TACC3: variants seen among roughly 807,000 people sequenced by gnomAD.
TACC3 encodes transforming acidic coiled-coil-containing protein 3.
In TACC3, 52 loss-of-function variants were observed where a neutral mutation model predicts 86.0. That is an observed-to-expected ratio of 0.60 (90% confidence interval 0.48 to 0.76). The LOEUF (loss-of-function observed/expected upper bound fraction) is 0.76. Among genes scored for constraint, TACC3 ranks in the 30% least tolerant of loss-of-function variants. The pLI, the probability that TACC3 is intolerant of heterozygous loss-of-function variation, is 0.00. For missense variants in TACC3, 1,120 were observed against 1,070.4 expected (o/e 1.05, Z -0.65); for synonymous variants, 512 against 430.0 (o/e 1.19, Z -2.36).
intron 13 of TACC3, among the ~76,000 whole-genome samples, chr4:1,743,067 T>C (rs1396655548): frequency 7.3e-6 from 1 of 137,760 alleles, no homozygotes; most frequent in Non-Finnish European, 1.6e-5. Context: ...TTCAAGACCA[T>C]TCTGGCCAAC....
chr4:1,744,547 G>C lies in TACC3; in HGVS notation c.2253G>C (p.Glu751Asp). Residue 751 changes from glutamate to aspartate, a missense_variant, in exon 14 of 16, where the codon GAG becomes GAC. Glu to Asp is a conservative substitution (Grantham distance 45). Coordinates refer to ENST00000313288, the MANE Select transcript of TACC3 (RefSeq NM_006342.3). ...KNEESLKKCV[E>D]DYLARITQEG... Reference sequence around the variant, plus strand: ...AAGAGTCACTGAAGAAGTGCGTGGAGGATTACCTGGCAAGGATCACCCAGG... The same window carrying C: ...AAGAGTCACTGAAGAAGTGCGTGGACGATTACCTGGCAAGGATCACCCAGG... 6 of 1,613,194 alleles carry C rather than the reference G, an allele frequency of 3.7e-6. No individual in the cohort carries two copies. Among genetic ancestry groups the C allele is most frequent in the Non-Finnish European group, 5.1e-6 (6 of 1,179,962 alleles).
At chr4:1,720,826 G>T, upstream of TACC3, 1 of 1,584,280 alleles carries the variant, frequency 6.3e-7, no homozygotes. This position sits in a 1 kb window ranked among gnomAD's most constrained non-coding sequence, Gnocchi z 4.4. Context: ...AGGTCACCTC[G>T]GGGCTGTCCA....
At position 1,737,658 on chromosome 4, in the gene TACC3, A is replaced by G. The variant is rs1475942464; in HGVS notation, c.1897A>G (p.Ile633Val). The change falls in exon 10 of 16, where the codon ATA (isoleucine) becomes GTA (valine). Residue 633 changes from isoleucine (I) to valine (V), a missense_variant. Coordinates refer to ENST00000313288, the MANE Select transcript of TACC3 (RefSeq NM_006342.3). Reference protein sequence around the residue: ...PGGPPLSTGPIVDLLQYSQKD... With the variant: ...PGGPPLSTGPVVDLLQYSQKD... ...GGGCCCACCCCTGTCCACCGGACCT[A>G]TAGTGGACCTGCTCCAGTACAGCCA... The G allele has an allele frequency of 1.9e-6, 3 of 1,549,878 alleles. No homozygotes were observed. Among genetic ancestry groups the G allele is most frequent in the Non-Finnish European group, 2.6e-6 (3 of 1,146,264 alleles).
At chr4:1,725,837 C>T (rs577843568) in intron 3 of TACC3, among the ~76,000 whole-genome samples, 1 of 152,230 alleles carries the variant, frequency 6.6e-6, no homozygotes, top group Non-Finnish European at 1.5e-5. Context: ...TGCAGCTGCC[C>T]ACGTGTCATT....
rs1718206176 is a variant in TACC3, at chr4:1,735,426, C to T, written c.1644+101C>T. On this transcript the variant is annotated intron_variant, in intron 7 of 15. Transcript: ENST00000313288. This position sits in a 1 kb window ranked among gnomAD's most constrained non-coding sequence, Gnocchi z 4.2. ...GCGTCCCTTGGTGCCCACGTCCCCC[C>T]AGCTGCACACAGGCCCAGGCATTGT... The T allele has an allele frequency of 7.6e-7, 1 of 1,319,448 alleles. No individual in the cohort carries two copies. The highest frequency in any genetic ancestry group is 1.1e-6 in the Non-Finnish European group (1 of 921,678). 81.7% of individuals were successfully genotyped at this position (1,319,448 alleles called of 1,614,324 possible).
intron 1 of TACC3, chr4:1,721,852 C>G (rs1320333309): frequency 1.3e-5 from 2 of 152,290 alleles, no homozygotes; most frequent in Non-Finnish European, 2.9e-5. Flanking sequence ...GGGCTGGGCC[C>G]CCTGGATGGT....
chr4:1,736,191 A>G (rs1363031648), intron 8 of TACC3, among the ~76,000 whole-genome samples: 2 of 152,170 alleles, frequency 1.3e-5, no homozygotes, highest in Non-Finnish European at 2.9e-5. Flanking sequence ...TGGGAGGCCG[A>G]GGTGGATGGA....
intron 1 of TACC3, among the ~76,000 whole-genome samples, chr4:1,722,374 C>T (rs1429285912): frequency 2.6e-5 from 4 of 152,166 alleles, no homozygotes; most frequent in African/African-American, 4.8e-5. Flanking sequence ...TTATTCAGGG[C>T]GAAAACCTAA....
In TACC3 at chr4:1,731,224, G is replaced by A; in HGVS notation, c.1514G>A (p.Ser505Asn). 6.2e-7 allele frequency: 1 copy of A among 1,613,420 alleles called. No homozygotes were observed. Among genetic ancestry groups the A allele is most frequent in the Non-Finnish European group, 8.5e-7 (1 of 1,180,014 alleles). Residue 505 changes from serine to asparagine, a missense_variant, in exon 6 of 16, where the codon AGT becomes AAT. By Grantham distance (46) the Ser-to-Asn change is conservative (BLOSUM62 1). Coordinates refer to ENST00000313288, the MANE Select transcript of TACC3 (RefSeq NM_006342.3). ...STSLPTSCPG[S>N]EPVPTHQQGQ... Reference sequence around the variant, plus strand: ...TCGCTTCCCACAAGCTGTCCAGGCAGTGAGCCAGTGCCCACCCATCAGCAG... The same window carrying A: ...TCGCTTCCCACAAGCTGTCCAGGCAATGAGCCAGTGCCCACCCATCAGCAG...
intron 11 of TACC3, 57 bp from the exon 12 acceptor site, chr4:1,739,902 G>A (rs1347784031): frequency 6.2e-7 from 1 of 1,606,396 alleles, no homozygotes; most frequent in Non-Finnish European, 8.5e-7. Flanking sequence ...ATCCCCACCT[G>A]GCCTGGGACC....
intron 3 of TACC3, among the ~76,000 whole-genome samples, chr4:1,726,075 G>C (rs1717673085): frequency 6.6e-6 from 1 of 152,228 alleles, no homozygotes; most frequent in Non-Finnish European, 1.5e-5. Flanking sequence ...GGGAACAGGT[G>C]AAACAGTGTT....
rs765878922 is a variant in TACC3, at chr4:1,740,963, G to A, written c.2200G>A (p.Glu734Lys). ...DLFKRFEKQK[E>K]VIEGYRKNEE... is the part of the protein sequence containing the mutation. ...CTTCAAGCGTTTTGAGAAACAGAAA[G>A]AGGTGATCGAGGGCTACCGCAAGGT... Residue 734 changes from glutamate to lysine, a missense_variant, in exon 13 of 16, where the codon GAG becomes AAG. Physicochemically the swap from Glu to Lys is moderately conservative, Grantham distance 56 (BLOSUM62 1). Coordinates refer to ENST00000313288, the MANE Select transcript of TACC3 (RefSeq NM_006342.3). 2 of 1,609,172 alleles carry A rather than the reference G, an allele frequency of 1.2e-6. No individual in the cohort carries two copies. The highest frequency in any genetic ancestry group is 3.4e-5 in the Admixed American group (2 of 59,018).
chr4:1,728,150 T>G lies in TACC3; in HGVS notation c.748T>G (p.Ser250Ala). The G allele has an allele frequency of 6.2e-7, 1 of 1,611,660 alleles. No individual in the cohort carries two copies. Among genetic ancestry groups the G allele is most frequent in the Non-Finnish European group, 8.5e-7 (1 of 1,179,432 alleles). Residue 250 changes from serine (S) to alanine (A), a missense_variant, in exon 4 of 16, where the codon TCG becomes GCG. Ser to Ala is a moderately conservative substitution (Grantham distance 99). Coordinates refer to ENST00000313288, the MANE Select transcript of TACC3 (RefSeq NM_006342.3). ...GVCAPAAVAT[S>A]PPGAIPKEAC... The stretch of plus-strand genomic sequence containing the variant: ...CTGTGCTCCCGCAGCAGTGGCCACT[T>G]CGCCTCCTGGTGCAATCCCTAAGGA...
At chr4:1,744,302 G>C in intron 13 of TACC3, 1 of 556,200 alleles carries the variant, frequency 1.8e-6, no homozygotes, top group Non-Finnish European at 3.2e-6. Flanking sequence ...TTCAGGCCCG[G>C]CATCTCAGGG....
chr4:1,727,561 G>T lies in TACC3; in HGVS notation c.306-147G>T, dbSNP rs1306691921. The T allele has an allele frequency of 1.1e-5, 14 of 1,275,044 alleles. No individual in the cohort carries two copies. In the African/African-American group the frequency reaches 1.3e-4, roughly 12 times the overall value. The allele number at this position is 1,275,044 out of a possible 1,614,324, so 79.0% of individuals were successfully genotyped here. On this transcript the variant is annotated intron_variant, in intron 3 of 15. Coordinates refer to ENST00000313288, the MANE Select transcript of TACC3 (RefSeq NM_006342.3). Reference sequence around the variant, plus strand: ...AGGAACTACATTGAGGAACTGAGGTGGGGGGTGGAGAACGGGAAGCCGTGC... The same window carrying T: ...AGGAACTACATTGAGGAACTGAGGTTGGGGGTGGAGAACGGGAAGCCGTGC...
rs779216211 is a variant in TACC3, at chr4:1,740,989, A to G, written c.2223+3A>G. 1.2e-6 allele frequency: 2 copies of G among 1,603,476 alleles called. No individual in the cohort carries two copies. Among genetic ancestry groups the G allele is most frequent in the Non-Finnish European group, 1.7e-6 (2 of 1,176,868 alleles). ...AGGTGATCGAGGGCTACCGCAAGGT[A>G]TGTCTCCGCCACCCTGGTGTCCTCA... On this transcript the variant is annotated splice_donor_region_variant and intron_variant, in intron 13 of 15. Coordinates refer to ENST00000313288, the MANE Select transcript of TACC3 (RefSeq NM_006342.3).
intron 4 of TACC3, 97 bp downstream of exon 4, chr4:1,728,884 C>T: frequency 1.6e-6 from 2 of 1,261,272 alleles, no homozygotes; most frequent in Non-Finnish European, 2.2e-6. Flanking sequence ...TCAGATACTC[C>T]TTTGAGGCCG....
At position 1,728,244 on chromosome 4, in the gene TACC3, C is replaced by T. The variant is rs762020678; in HGVS notation, c.842C>T (p.Thr281Ile). ...EALGCPAGVG[T>I]PVPADGTQTL... is the part of the protein sequence containing the mutation. ...CTGGGCTGCCCTGCGGGTGTGGGCA[C>T]CCCCGTGCCAGCAGATGGCACTCAG... Residue 281 changes from threonine to isoleucine, a missense_variant, in exon 4 of 16, where the codon ACC becomes ATC. By Grantham distance (89) the Thr-to-Ile change is moderately conservative (BLOSUM62 -1). Coordinates refer to ENST00000313288, the MANE Select transcript of TACC3 (RefSeq NM_006342.3). 4.3e-6 allele frequency: 7 copies of T among 1,612,314 alleles called. No individual in the cohort carries two copies. In the African/African-American group the frequency reaches 9.3e-5, roughly 22 times the overall value.
At chr4:1,737,740 AGGCCG>A in intron 10 of TACC3, 38 bp downstream of exon 10, 1 of 1,528,900 alleles carries the variant, frequency 6.5e-7, no homozygotes, top group South Asian at 1.2e-5. Context: ...CAGAACCTGC[AGGCCG>A]CTCTGGGGCT....
Sources: allele counts gnomAD v4.1 joint callset (sites outside exome capture counted in the v4.1 genomes callset), GRCh38; gene constraint gnomAD v4.1.1; non-coding constraint Gnocchi (gnomAD v3.1); transcripts MANE v1.5; gene names NCBI Gene and HGNC (gene_info 2026-07-23, HGNC 2026-07-21).